CORO2B: variants seen among roughly 807,000 people sequenced by gnomAD.
The protein encoded by CORO2B is coronin-2B.
In CORO2B, 26 loss-of-function variants were observed where a neutral mutation model predicts 58.8. The observed-to-expected ratio is 0.44, with a 90% CI of 0.32 to 0.61. The LOEUF (loss-of-function observed/expected upper bound fraction) is 0.61, where lower values mean the gene tolerates loss of function less well. CORO2B is among the 20% of genes least tolerant of loss of function. The pLI is 0.04. For missense variants in CORO2B, 460 were observed against 645.1 expected (o/e 0.71, Z 3.11); for synonymous variants, 242 against 253.8 (o/e 0.95, Z 0.44).
intron 1 of CORO2B, among the ~76,000 whole-genome samples, chr15:68,581,580 G>C (rs1357375235): frequency 6.6e-6 from 1 of 152,174 alleles, no homozygotes; most frequent in East Asian, 1.9e-4. Flanking sequence ...TTTTCTATTT[G>C]TCAAATGTAA....
chr15:68,534,436 G>A, the CORO2B span, among the ~76,000 whole-genome samples: 1 of 152,212 alleles, frequency 6.6e-6, no homozygotes, highest in African/African-American at 2.4e-5. Context: ...TCTTCATAGT[G>A]TTTTATCTCC....
intron 1 of CORO2B, among the ~76,000 whole-genome samples, chr15:68,629,782 A>G (rs1421370408): frequency 2.2e-5 from 3 of 135,318 alleles, no homozygotes; most frequent in East Asian, 4.4e-4. Flanking sequence ...CTGGGACCCA[A>G]CTCGCTGTGG....
chr15:68,628,498 A>G (rs977944238), intron 1 of CORO2B, among the ~76,000 whole-genome samples: 7 of 152,234 alleles, frequency 4.6e-5, no homozygotes, highest in African/African-American at 1.7e-4. Flanking sequence ...AAATACATTA[A>G]AATATGTAAC....
intron 1 of CORO2B, among the ~76,000 whole-genome samples, chr15:68,586,338 T>C (rs1899557213): frequency 6.6e-6 from 1 of 152,110 alleles, no homozygotes; most frequent in African/African-American, 2.4e-5. Flanking sequence ...ACTCTGGGAA[T>C]AGCAGGGGGC....
intron 11 of CORO2B, among the ~76,000 whole-genome samples, chr15:68,723,455 T>TG (rs1232299194): frequency 2.6e-5 from 4 of 151,094 alleles, no homozygotes; most frequent in Non-Finnish European, 4.4e-5. Context: ...TTGTTGTTGT[T>TG]TTGTTTTGTT....
chr15:68,685,210 A>C (rs1307908460), intron 2 of CORO2B, among the ~76,000 whole-genome samples: 3 of 152,128 alleles, frequency 2.0e-5, no homozygotes, highest in African/African-American at 7.2e-5. Context: ...GTGCATGATA[A>C]TGTTCTTAAT....
chr15:68,537,154 G>A, the CORO2B span, among the ~76,000 whole-genome samples: 1 of 152,150 alleles, frequency 6.6e-6, no homozygotes, highest in Non-Finnish European at 1.5e-5. Context: ...TGGCACCTTG[G>A]CCTGTAAATC....
the CORO2B span, among the ~76,000 whole-genome samples, chr15:68,552,503 G>A: frequency 6.6e-6 from 1 of 152,116 alleles, no homozygotes; most frequent in Non-Finnish European, 1.5e-5. Flanking sequence ...TTGTTGCTGG[G>A]TAACCAGCTT....
the CORO2B span, among the ~76,000 whole-genome samples, chr15:68,531,562 A>AGG: frequency 1.5e-5 from 2 of 136,212 alleles, no homozygotes; most frequent in Non-Finnish European, 3.2e-5. Flanking sequence ...GAAGGAAAGA[A>AGG]AGAGAAAGAA....
chr15:68,559,090 G>C, the CORO2B span, among the ~76,000 whole-genome samples: 102 of 152,212 alleles, frequency 6.7e-4, no homozygotes, highest in Non-Finnish European at 1.1e-3. The surrounding 1 kb of genome is among the most constrained non-coding windows in gnomAD (Gnocchi z 4.3). Flanking sequence ...TAAATACCTA[G>C]AAATGCGCGA....
chr15:68,631,294 G>A (rs1224352385), intron 1 of CORO2B, among the ~76,000 whole-genome samples: 2 of 152,220 alleles, frequency 1.3e-5, no homozygotes, highest in Non-Finnish European at 2.9e-5. Context: ...GGTGGAGACT[G>A]TCCTGAGAAG....
chr15:68,606,540 T>C (rs1900129030), intron 1 of CORO2B, among the ~76,000 whole-genome samples: 1 of 152,202 alleles, frequency 6.6e-6, no homozygotes, highest in South Asian at 2.1e-4. Flanking sequence ...GTCAGGCGCT[T>C]TCCTTAAAGT....
chr15:68,672,641 G>T (rs1383060860), intron 2 of CORO2B, among the ~76,000 whole-genome samples: 1 of 152,232 alleles, frequency 6.6e-6, no homozygotes. Context: ...TCTCAAAAGA[G>T]ACTGCAAGTG....
chr15:68,587,049 T>TAC (rs58729813), intron 1 of CORO2B, among the ~76,000 whole-genome samples: 6,652 of 57,562 alleles, frequency 0.12, 166 homozygotes, highest in Middle Eastern at 0.17. Context: ...GAGATATGTA[T>TAC]ACACACACAC....
At chr15:68,705,711 A>AC (rs761653029) in intron 3 of CORO2B, among the ~76,000 whole-genome samples, 2 of 149,442 alleles carry the variant, frequency 1.3e-5, no homozygotes, top group Non-Finnish European at 3.0e-5. Context: ...AGTTACCCTG[A>AC]CCCCCCATCC....
At chr15:68,589,182 C>T (rs1037236224) in intron 1 of CORO2B, among the ~76,000 whole-genome samples, 1 of 152,194 alleles carries the variant, frequency 6.6e-6, no homozygotes, top group African/African-American at 2.4e-5. Context: ...GTTCCTGTAG[C>T]ATGTGATCCC....
At chr15:68,653,081 G>A (rs1472728702) in intron 2 of CORO2B, among the ~76,000 whole-genome samples, 1 of 152,206 alleles carries the variant, frequency 6.6e-6, no homozygotes, top group Non-Finnish European at 1.5e-5. Context: ...TCTTGGGGAA[G>A]CTTACTCTCT....
At chr15:68,671,205 T>G (rs974715676) in intron 2 of CORO2B, among the ~76,000 whole-genome samples, 10 of 152,162 alleles carry the variant, frequency 6.6e-5, no homozygotes, top group African/African-American at 2.4e-4. Context: ...GAGCTGATAC[T>G]CACCACGACA....
chr15:68,634,289 G>A (rs1425930111), intron 1 of CORO2B, among the ~76,000 whole-genome samples: 2 of 152,218 alleles, frequency 1.3e-5, no homozygotes, highest in Non-Finnish European at 2.9e-5. Flanking sequence ...AAGCCCTCGA[G>A]GGATGCATTA....
Sources: allele counts gnomAD v4.1 joint callset (sites outside exome capture counted in the v4.1 genomes callset), GRCh38; gene constraint gnomAD v4.1.1; non-coding constraint Gnocchi (gnomAD v3.1); transcripts MANE v1.5; gene names NCBI Gene and HGNC (gene_info 2026-07-23, HGNC 2026-07-21).